Variants in MASP1 observed in about 807,000 individuals in gnomAD.
MASP1 encodes MBL associated serine protease 1.
In MASP1, 59 loss-of-function variants were observed where a neutral mutation model predicts 77.1. That is an observed-to-expected ratio of 0.77 (90% CI 0.62 to 0.95). MASP1 has a LOEUF of 0.95. MASP1 is among the 40% of genes least tolerant of loss of function. MASP1 has a pLI of 0.00. For missense variants in MASP1, 885 were observed against 912.9 expected (o/e 0.97, Z 0.39); for synonymous variants, 362 against 354.5 (o/e 1.02, Z -0.24).
rs149940693 is a variant in MASP1, at chr3:187,249,966, G to A, written c.1090+285C>T. 1.4e-4 allele frequency among the ~76,000 whole-genome samples: 22 copies of A among 152,326 alleles called. 1 individual carries two copies. In the Middle Eastern group the frequency reaches 0.01, roughly 71 times the overall value. ...CAAAGCTGGTTTTGAACCTGGACAC[G>A]TGCTATTCCTTTAGTAAGTCTGGCA... is the stretch of plus-strand genomic sequence containing the variant. On this transcript the variant is annotated intron_variant, in intron 8 of 10. Coordinates refer to ENST00000296280, the MANE Select transcript of MASP1 (RefSeq NM_139125.4).
In MASP1 at chr3:187,219,488, T is replaced by C. The variant is rs3864096; in HGVS notation, c.*583A>G. On this transcript the variant is annotated 3_prime_UTR_variant, in exon 16 of 16. Transcript: ENST00000337774. ...TCAGAACCTTGTCTGTTTTACTTTT[T>C]TAGGGATGAGGGTGAAGATTGATGT... The C allele has an allele frequency of 0.093, 14,705 of 158,164 alleles. 860 individuals carry two copies. The highest frequency in any genetic ancestry group is 0.15 in the African/African-American group (6,259 of 41,572). The allele number at this position is 158,164 out of a possible 1,614,324, so 9.8% of individuals were successfully genotyped here.
chr3:187,254,281 G>A (rs1037169679), intron 5 of MASP1, among the ~76,000 whole-genome samples: 7 of 152,154 alleles, frequency 4.6e-5, no homozygotes, highest in African/African-American at 2.4e-5. Flanking sequence ...TCCTATAATG[G>A]TAATATAATA....
chr3:187,285,286 CT>C (rs1313389671), intron 2 of MASP1, among the ~76,000 whole-genome samples: 1 of 152,064 alleles, frequency 6.6e-6, no homozygotes, highest in Non-Finnish European at 1.5e-5. Flanking sequence ...ACACTTTTTG[CT>C]GATAAAATGC....
chr3:187,279,144 G>T (rs1213056434), intron 2 of MASP1, among the ~76,000 whole-genome samples: 1 of 152,206 alleles, frequency 6.6e-6, no homozygotes, highest in African/African-American at 2.4e-5. Flanking sequence ...ACTCTGCAAA[G>T]AAATTTTTCC....
At chr3:187,250,380 T>A in intron 7 of MASP1, 51 bp from the exon 8 acceptor site, 2 of 1,408,942 alleles carry the variant, frequency 1.4e-6, no homozygotes, top group Non-Finnish European at 2.0e-6. Flanking sequence ...GGGGGTGGTG[T>A]CAGGGGTTTT....
chr3:187,258,682 T>C, intron 4 of MASP1, among the ~76,000 whole-genome samples: 1 of 152,236 alleles, frequency 6.6e-6, no homozygotes, highest in East Asian at 1.9e-4. Flanking sequence ...AGATTTGTAA[T>C]CTTGATTTTT....
At chr3:187,224,637 C>T (rs781081212) in intron 13 of MASP1, among the ~76,000 whole-genome samples, 1 of 152,052 alleles carries the variant, frequency 6.6e-6, no homozygotes, top group African/African-American at 2.4e-5. Context: ...TGAGCCACCG[C>T]GCCCGGCCTG....
intron 11 of MASP1, chr3:187,226,538 C>G (rs72549286): frequency 1.3e-6 from 2 of 1,551,728 alleles, no homozygotes; most frequent in African/African-American, 1.4e-5. Flanking sequence ...ACAGAACACA[C>G]GTCTCATCGT....
rs1456367408 is a variant in MASP1, at chr3:187,285,855, G to A, written c.207C>T (p.Ser69=). 3 of 1,614,118 alleles carry A rather than the reference G, an allele frequency of 1.9e-6. No homozygotes were observed. Among genetic ancestry groups the A allele is most frequent in the South Asian group, 1.1e-5 (1 of 91,082 alleles). The change falls in exon 2 of 11, where the codon TCC becomes TCT. Residue 69 remains serine (S), a synonymous_variant. Transcript: ENST00000296280. ...KLYFMHFNLE[S]SYLCEYDYVK... is the part of the protein sequence containing the mutation. ...CATAGTCATATTCACAAAGGTAGGAGGATTCCAAGTTGAAGTGCATGAAGT... is the reference window on the plus strand; with the variant it reads ...CATAGTCATATTCACAAAGGTAGGAAGATTCCAAGTTGAAGTGCATGAAGT...
At chr3:187,254,799 C>T (rs1410354480) in intron 5 of MASP1, among the ~76,000 whole-genome samples, 2 of 152,108 alleles carry the variant, frequency 1.3e-5, no homozygotes, top group Admixed American at 1.3e-4. Flanking sequence ...ACCTCTCAGT[C>T]CTGGTTCTTT....
chr3:187,259,573 C>T (rs760880304), intron 4 of MASP1, among the ~76,000 whole-genome samples: 2 of 151,996 alleles, frequency 1.3e-5, no homozygotes, highest in African/African-American at 2.4e-5. Flanking sequence ...GAGTGAGAAA[C>T]CTTGCTCTGC....
rs1246425016 is a variant in MASP1, at chr3:187,235,391, C to T, written c.*293G>A. The T allele has an allele frequency of 2.7e-6, 4 of 1,455,136 alleles. No individual in the cohort carries two copies. The highest frequency in any genetic ancestry group is 3.6e-6 in the Non-Finnish European group (4 of 1,096,864). 90.1% of individuals were successfully genotyped at this position (1,455,136 alleles called of 1,614,324 possible). On this transcript the variant is annotated 3_prime_UTR_variant, in exon 11 of 11. Transcript: ENST00000296280. Reference sequence around the variant, plus strand: ...AAGAAGCATGGCCTGGAAAGGAGTGCTGGGATTGGCACAGAGGCCTTGGTT... The same window carrying T: ...AAGAAGCATGGCCTGGAAAGGAGTGTTGGGATTGGCACAGAGGCCTTGGTT...
At chr3:187,246,008 T>C (rs953724661) in intron 8 of MASP1, among the ~76,000 whole-genome samples, 4 of 152,104 alleles carry the variant, frequency 2.6e-5, no homozygotes, top group Non-Finnish European at 4.4e-5. Context: ...TCATCTTCTT[T>C]CCTCCCCTTG....
chr3:187,246,686 A>AT (rs1350415192), intron 8 of MASP1: 10 of 988,882 alleles, frequency 1.0e-5, no homozygotes, highest in Admixed American at 5.9e-5. Flanking sequence ...TCTTTTTAAA[A>AT]TTTTTAATCA....
intron 1 of MASP1, chr3:187,291,425 G>A (rs182772211): frequency 6.1e-6 from 4 of 658,770 alleles, no homozygotes; most frequent in Admixed American, 2.4e-5. Context: ...CCCGTTTCAA[G>A]TTTTATGTCT....
At chr3:187,262,166 A>T (rs775499517) in intron 3 of MASP1, among the ~76,000 whole-genome samples, 2 of 152,220 alleles carry the variant, frequency 1.3e-5, no homozygotes, top group Non-Finnish European at 2.9e-5. Context: ...GTTACACACA[A>T]ATACAGATTT....
At chr3:187,226,441 G>A (rs201327983) in exon 12 of MASP1, 1 of 1,612,644 alleles carries the variant, frequency 6.2e-7, no homozygotes, top group East Asian at 2.2e-5. Flanking sequence ...GGCTGAGCAA[G>A]TCTGAATCAC....
chr3:187,232,031 T>A (rs115459698), downstream of MASP1, among the ~76,000 whole-genome samples: 1,795 of 152,164 alleles, frequency 0.012, 40 homozygotes, highest in African/African-American at 0.04. Context: ...GACTTGAAAC[T>A]CACACATGGA....
exon 16 of MASP1, chr3:187,217,629 G>C (rs1711841352): frequency 2.0e-5 from 3 of 152,238 alleles, no homozygotes; most frequent in Admixed American, 1.3e-4. Flanking sequence ...AGGTCGCGAA[G>C]TTAGACAAGG....
Sources: allele counts gnomAD v4.1 joint callset (sites outside exome capture counted in the v4.1 genomes callset), GRCh38; gene constraint gnomAD v4.1.1; transcripts MANE v1.5; gene names NCBI Gene and HGNC (gene_info 2026-07-23, HGNC 2026-07-21).